DPP6: variants seen among roughly 807,000 people sequenced by gnomAD.
DPP6 encodes A-type potassium channel modulatory protein DPP6.
A neutral mutation model predicts 122.6 loss-of-function variants in DPP6; 69 were observed. That is an observed-to-expected ratio of 0.56 (90% CI 0.46 to 0.69). The LOEUF (loss-of-function observed/expected upper bound fraction) is 0.69. DPP6 is among the 30% of genes least tolerant of loss of function. The probability of loss-of-function intolerance (pLI) is 0.00; values close to 1 mark genes in which losing one functional copy is unlikely to be tolerated. For synonymous variants in DPP6, 418 were observed against 433.1 expected (o/e 0.97, Z 0.43); for missense variants, 928 against 1,116.9 (o/e 0.83, Z 2.41).
chr7:154,467,458 A>T (rs1464096302), intron 2 of DPP6, among the ~76,000 whole-genome samples: 1 of 151,624 alleles, frequency 6.6e-6, no homozygotes, highest in East Asian at 1.9e-4. Context: ...AGTGCGTAGC[A>T]CCTCCCTCTT....
At chr7:153,922,235 T>C (rs776739948) in intron 1 of DPP6, among the ~76,000 whole-genome samples, 1 of 152,218 alleles carries the variant, frequency 6.6e-6, no homozygotes, top group Non-Finnish European at 1.5e-5. Context: ...GTGAGGTGGC[T>C]GATGCCTGTA....
At chr7:154,739,595 T>C (rs1449207850) in intron 8 of DPP6, among the ~76,000 whole-genome samples, 1 of 152,168 alleles carries the variant, frequency 6.6e-6, no homozygotes. Context: ...AAAGCTAGGG[T>C]GTGTAACGTT....
At chr7:154,672,692 C>G (rs1401612779) in intron 7 of DPP6, among the ~76,000 whole-genome samples, 1 of 152,136 alleles carries the variant, frequency 6.6e-6, no homozygotes, top group African/African-American at 2.4e-5. Context: ...TCCATTTGAC[C>G]TTTAAGAGCG....
intron 1 of DPP6, among the ~76,000 whole-genome samples, chr7:154,406,251 T>TA (rs1171835322): frequency 4.6e-5 from 7 of 152,176 alleles, no homozygotes; most frequent in African/African-American, 1.7e-4. Flanking sequence ...GTGCTTTTCA[T>TA]ACGGTTTTCA....
intron 6 of DPP6, among the ~76,000 whole-genome samples, chr7:154,660,566 T>C (rs1235993666): frequency 2.8e-5 from 4 of 141,848 alleles, no homozygotes; most frequent in East Asian, 4.3e-4. Flanking sequence ...TGAATCACCA[T>C]GGCGTATCGG....
intron 5 of DPP6, among the ~76,000 whole-genome samples, chr7:154,609,055 C>G (rs979739547): frequency 1.2e-4 from 19 of 152,242 alleles, no homozygotes; most frequent in African/African-American, 4.6e-4. Flanking sequence ...AGACCCTAGG[C>G]CTGTATTCAG....
intron 3 of DPP6, among the ~76,000 whole-genome samples, chr7:154,480,563 T>C (rs539278372): frequency 7.3e-4 from 111 of 152,264 alleles, no homozygotes; most frequent in African/African-American, 2.6e-3. Context: ...CTCCCTCTTC[T>C]CCCTGACGTT....
intron 1 of DPP6, among the ~76,000 whole-genome samples, chr7:154,311,982 T>C (rs1162421991): frequency 6.6e-6 from 1 of 152,188 alleles, no homozygotes; most frequent in Non-Finnish European, 1.5e-5. Context: ...AATGCAATTA[T>C]TAATGGTGGA....
At chr7:154,429,776 T>C (rs869490) in intron 1 of DPP6, among the ~76,000 whole-genome samples, 99,395 of 152,046 alleles carry the variant, frequency 0.65, 33,202 homozygotes, top group East Asian at 0.85. Context: ...AGGGCTTGAA[T>C]GAGGTGCAGC....
At chr7:153,954,464 G>A (rs531350614) in intron 1 of DPP6, among the ~76,000 whole-genome samples, 20 of 152,256 alleles carry the variant, frequency 1.3e-4, no homozygotes, top group African/African-American at 3.6e-4. Context: ...TTTTGGAGAC[G>A]GTTTACCAGA....
At chr7:154,791,446 A>G (rs1342795725) in intron 10 of DPP6, among the ~76,000 whole-genome samples, 1 of 152,094 alleles carries the variant, frequency 6.6e-6, no homozygotes, top group Non-Finnish European at 1.5e-5. Context: ...GGAGACTGCC[A>G]TTTATAAAAC....
At chr7:154,575,612 T>TGTGTGTGTGGTGTGTGTGTG (rs1831602533) in intron 5 of DPP6, among the ~76,000 whole-genome samples, 1 of 109,566 alleles carries the variant, frequency 9.1e-6, no homozygotes, top group Non-Finnish European at 1.8e-5. Flanking sequence ...GGTGTGTGTA[T>TGTGTGTGTGGTGTGTGTGTG]GTGTGTGTGG....
chr7:154,078,946 CAAAAAAAAA>C (rs67950621), intron 1 of DPP6, among the ~76,000 whole-genome samples: 80 of 112,594 alleles, frequency 7.1e-4, no homozygotes, highest in Admixed American at 2.3e-3. Flanking sequence ...CATTCTTTTC[CAAAAAAAAA>C]AAAAAAAAAA....
Position 154,632,498 on chromosome 7 carries a change from G to C in DPP6, c.628-5323G>C, listed in dbSNP as rs184421666. On this transcript the variant is annotated intron_variant, in intron 5 of 25. Coordinates refer to ENST00000377770, the MANE Select transcript of DPP6 (RefSeq NM_130797.4). Reference sequence around the variant, plus strand: ...ACATTTTCAACTCAGCTTACTGAGTGCATGATGGAGCTACCAACTGAGATA... The same window carrying C: ...ACATTTTCAACTCAGCTTACTGAGTCCATGATGGAGCTACCAACTGAGATA... 6.6e-5 allele frequency among the ~76,000 whole-genome samples: 10 copies of C among 152,326 alleles called. No individual in the cohort carries two copies. The South Asian group carries it at 1.2e-3, about 19-fold the overall frequency.
chr7:154,575,071 T>G (rs1468162322), intron 5 of DPP6, among the ~76,000 whole-genome samples: 1 of 111,224 alleles, frequency 9.0e-6, no homozygotes, highest in Admixed American at 9.2e-5. Context: ...TTTGGTGTGT[T>G]GTGTGTATGT....
At chr7:154,608,493 A>ACTT (rs1833712003) in intron 5 of DPP6, among the ~76,000 whole-genome samples, 1 of 45,206 alleles carries the variant, frequency 2.2e-5, no homozygotes, top group Non-Finnish European at 9.1e-5. Flanking sequence ...ACACCTGGCT[A>ACTT]ATTTTTTTTT....
chr7:154,329,552 G>A lies in DPP6; in HGVS notation c.244-116662G>A, dbSNP rs369435051. 1.6e-4 allele frequency among the ~76,000 whole-genome samples: 24 copies of A among 152,342 alleles called. No individual in the cohort carries two copies. In the South Asian group the frequency reaches 4.6e-3, roughly 29 times the overall value. On this transcript the variant is annotated intron_variant, in intron 1 of 25. Transcript: ENST00000377770. ...GGACACAACAGATGCTGGAGAGGAT[G>A]TGGAGAAATAGGAACGCTTTCACAC...
chr7:154,619,720 T>C (rs1019229723), intron 5 of DPP6, among the ~76,000 whole-genome samples: 13 of 152,254 alleles, frequency 8.5e-5, no homozygotes, highest in African/African-American at 3.1e-4. Context: ...GATGTGTATA[T>C]GTGTAGATAT....
intron 8 of DPP6, among the ~76,000 whole-genome samples, chr7:154,762,088 T>C (rs189915345): frequency 1.5e-4 from 23 of 152,202 alleles, no homozygotes; most frequent in Admixed American, 1.4e-3. Context: ...TTGTGAGAAA[T>C]CCAACCCCAT....
Sources: gnomAD v4.1 joint callset for allele counts (sites outside exome capture counted in the v4.1 genomes callset) on GRCh38, gnomAD v4.1.1 for gene constraint, MANE v1.5 for transcripts, NCBI Gene and HGNC (gene_info 2026-07-23, HGNC 2026-07-21) for gene names.